LMBR1: variants seen among roughly 807,000 people sequenced by gnomAD.
LMBR1 encodes the protein limb development membrane protein 1, also known as limb region 1 protein homolog.
A neutral mutation model predicts 73.9 loss-of-function variants in LMBR1; 52 were observed. The ratio of observed to expected loss-of-function variants is 0.70; its 90% CI spans 0.56 to 0.89. LMBR1 has a LOEUF of 0.89. Ranked by LOEUF, LMBR1 falls within the 40% of genes least tolerant of loss-of-function variation. The probability of loss-of-function intolerance (pLI) is 0.00; values close to 1 mark genes in which losing one functional copy is unlikely to be tolerated. For synonymous variants in LMBR1, 215 were observed against 209.4 expected (o/e 1.03, Z -0.23); for missense variants, 539 against 579.8 (o/e 0.93, Z 0.72).
Position 156,763,777 on chromosome 7 carries a change from A to C in LMBR1, c.442T>G (p.Leu148Val). The C allele has an allele frequency of 9.4e-6, 15 of 1,596,590 alleles. No homozygotes were observed. The highest frequency in any genetic ancestry group is 1.4e-5 in the African/African-American group (1 of 73,942). Residue 148 changes from leucine (L) to valine (V), a missense_variant, in exon 6 of 17, where the codon TTA becomes GTA. By Grantham distance (32) the Leu-to-Val change is conservative. Transcript: ENST00000353442. ...GLKKGIRARI[L>V]ETLVMLLLLA... Reference sequence around the variant, plus strand: ...AGAAGAAGCATGACCAAAGTCTCTAAAATGCGGGCTCGGATTCCCTGAAAA... The same window carrying C: ...AGAAGAAGCATGACCAAAGTCTCTACAATGCGGGCTCGGATTCCCTGAAAA...
intron 1 of LMBR1, among the ~76,000 whole-genome samples, chr7:156,865,378 G>A (rs989935956): frequency 1.3e-4 from 20 of 152,104 alleles, no homozygotes; most frequent in Non-Finnish European, 5.9e-5. Context: ...TTTAACAAAA[G>A]AGGAGTCAAA....
At chr7:156,886,102 G>A (rs1801858279) in intron 1 of LMBR1, among the ~76,000 whole-genome samples, 1 of 151,782 alleles carries the variant, frequency 6.6e-6, no homozygotes, top group Non-Finnish European at 1.5e-5. Flanking sequence ...GAGCCTGGGA[G>A]ATAGAGGCTA....
chr7:156,684,301 G>GGAAT, intron 16 of LMBR1, 138 bp from the exon 17 acceptor site: 2 of 681,976 alleles, frequency 2.9e-6, no homozygotes, highest in Non-Finnish European at 5.0e-6. Flanking sequence ...ATCCCCTTGA[G>GGAAT]GAATGAATGA....
intron 5 of LMBR1, among the ~76,000 whole-genome samples, chr7:156,787,627 T>G (rs1483505243): frequency 6.6e-6 from 1 of 152,240 alleles, no homozygotes; most frequent in Non-Finnish European, 1.5e-5. Context: ...GATTTATTTT[T>G]TATAATTTCC....
chr7:156,843,133 T>C (rs1197569114), intron 1 of LMBR1, among the ~76,000 whole-genome samples: 2 of 152,198 alleles, frequency 1.3e-5, no homozygotes, highest in African/African-American at 2.4e-5. Context: ...CCAGTCTCCC[T>C]CACAAGCTTC....
chr7:156,800,482 C>CA (rs1245017996), intron 4 of LMBR1, among the ~76,000 whole-genome samples: 840 of 80,850 alleles, frequency 0.01, 22 homozygotes, highest in Middle Eastern at 0.036. Context: ...ACTTGCTACT[C>CA]AAAAAAAAAA....
chr7:156,823,125 TAATAA>T (rs1318355509), intron 4 of LMBR1: 1 of 151,172 alleles, frequency 6.6e-6, no homozygotes, highest in Non-Finnish European at 1.5e-5. Context: ...AAAATTATAA[TAATAA>T]AATAAATAAA....
At chr7:156,833,637 T>C (rs111996313) in intron 3 of LMBR1, 116 bp downstream of exon 3, 1 of 703,392 alleles carries the variant, frequency 1.4e-6, no homozygotes, top group African/African-American at 1.9e-5. Context: ...ATGATAAAGC[T>C]ATTGTAATGT....
chr7:156,774,377 G>A (rs970537239), intron 5 of LMBR1, among the ~76,000 whole-genome samples: 12 of 152,122 alleles, frequency 7.9e-5, no homozygotes, highest in African/African-American at 2.9e-4. Context: ...ATACTCAAAG[G>A]AATATAAATG....
At chr7:156,884,984 C>T (rs1269639160) in intron 1 of LMBR1, among the ~76,000 whole-genome samples, 6 of 152,204 alleles carry the variant, frequency 3.9e-5, no homozygotes, top group Non-Finnish European at 8.8e-5. Context: ...CTTCTATCCC[C>T]ATTATCTCCC....
chr7:156,869,491 T>A (rs925914099), intron 1 of LMBR1, among the ~76,000 whole-genome samples: 1 of 151,888 alleles, frequency 6.6e-6, no homozygotes, highest in Non-Finnish European at 1.5e-5. Context: ...GGAAAGAACA[T>A]AAAATACCTA....
At position 156,736,426 on chromosome 7, in the gene LMBR1, AT is replaced by A. The variant is rs1395335427; in HGVS notation, c.758-2170del. The A allele has an allele frequency of 3.9e-5, 17 of 433,070 alleles. No individual in the cohort carries two copies. In the Middle Eastern group the frequency reaches 1.0e-3, roughly 26 times the overall value. 26.8% of individuals were successfully genotyped at this position (433,070 alleles called of 1,614,324 possible). A position where few individuals can be genotyped will look rare whatever the true frequency, so the allele number is the denominator to read the frequency against. Reference sequence around the variant, plus strand: ...TTATACTTTCTATACTACTTAAGTGATTTTTTTAAAGGTTTTATCTTTATCA... The same window carrying A: ...TTATACTTTCTATACTACTTAAGTGATTTTTTAAAGGTTTTATCTTTATCA... On this transcript the variant is annotated intron_variant, in intron 9 of 16. Coordinates refer to ENST00000353442, the MANE Select transcript of LMBR1 (RefSeq NM_022458.4).
chr7:156,710,127 G>A (rs1228510973), intron 15 of LMBR1, among the ~76,000 whole-genome samples: 2 of 150,962 alleles, frequency 1.3e-5, no homozygotes, highest in Non-Finnish European at 2.9e-5. Flanking sequence ...GGATGCTCTC[G>A]ATCTCCCGAC....
rs941190756 is a variant in LMBR1, at chr7:156,681,786, G to A, written c.*2292C>T. On this transcript the variant is annotated 3_prime_UTR_variant, in exon 17 of 17. Coordinates refer to ENST00000353442, the MANE Select transcript of LMBR1 (RefSeq NM_022458.4). ...ATCTCCTCTCTTTCACTGGCGTGCA[G>A]GAACTGCAGTAAAATGAGGACCCCC... The A allele has an allele frequency of 6.6e-6, 1 of 152,292 alleles. No individual in the cohort carries two copies. Among genetic ancestry groups the A allele is most frequent in the African/African-American group, 2.4e-5 (1 of 41,466 alleles). 9.4% of individuals were successfully genotyped at this position (152,292 alleles called of 1,614,324 possible).
At chr7:156,731,948 A>G (rs535674354) in intron 10 of LMBR1, among the ~76,000 whole-genome samples, 3 of 151,224 alleles carry the variant, frequency 2.0e-5, no homozygotes, top group South Asian at 2.1e-4. Flanking sequence ...ATATATACCA[A>G]GAGTTACATA....
In LMBR1 at chr7:156,762,822, AGT is replaced by A. The variant is rs1294157303; in HGVS notation, c.619+284_619+285del. 2.2e-5 allele frequency among the ~76,000 whole-genome samples: 3 copies of A among 133,854 alleles called. No individual in the cohort carries two copies. The Admixed American group carries it at 2.4e-4, about 11-fold the overall frequency. 87.8% of individuals were successfully genotyped at this position (133,854 alleles called of 152,430 possible). A position where few individuals can be genotyped will look rare whatever the true frequency, so the allele number is the denominator to read the frequency against. On this transcript the variant is annotated intron_variant, in intron 7 of 16. Coordinates refer to ENST00000353442, the MANE Select transcript of LMBR1 (RefSeq NM_022458.4). The stretch of plus-strand genomic sequence containing the variant: ...GTGTATGTAAGTATGACTGTATATG[AGT>A]GTGTGAAAGTGTGTGAGTGTGAGTG...
intron 1 of LMBR1, among the ~76,000 whole-genome samples, chr7:156,874,267 G>A (rs572425088): frequency 6.6e-5 from 10 of 152,342 alleles, no homozygotes; most frequent in South Asian, 2.1e-4. Context: ...CTCATTGCCC[G>A]GGGCCAGCAG....
intron 4 of LMBR1, among the ~76,000 whole-genome samples, chr7:156,805,635 C>G (rs997943694): frequency 1.3e-5 from 2 of 152,124 alleles, no homozygotes; most frequent in African/African-American, 4.8e-5. Flanking sequence ...AATTTGCATC[C>G]GAATTTTAGA....
At chr7:156,820,426 T>C (rs1409651529) in intron 4 of LMBR1, among the ~76,000 whole-genome samples, 1 of 152,158 alleles carries the variant, frequency 6.6e-6, no homozygotes, top group Non-Finnish European at 1.5e-5. Flanking sequence ...GATATTAATA[T>C]CACACTGGCC....
Sources: gnomAD v4.1 joint callset for allele counts (sites outside exome capture counted in the v4.1 genomes callset) on GRCh38, gnomAD v4.1.1 for gene constraint, MANE v1.5 for transcripts, NCBI Gene and HGNC (gene_info 2026-07-23, HGNC 2026-07-21) for gene names.